CAMK1D: variants seen among roughly 807,000 people sequenced by gnomAD.
CAMK1D encodes the protein calcium/calmodulin dependent protein kinase ID.
CAMK1D carries 9 observed loss-of-function variants against 47.7 expected under a neutral mutation model. That is an observed-to-expected ratio of 0.19 (90% CI 0.11 to 0.33). The LOEUF (loss-of-function observed/expected upper bound fraction) is 0.33, where lower values mean the gene tolerates loss of function less well. Among genes scored for constraint, CAMK1D ranks in the 10% least tolerant of loss-of-function variants. The probability of loss-of-function intolerance (pLI) is 1.00; values close to 1 mark genes in which losing one functional copy is unlikely to be tolerated. For missense variants in CAMK1D, 291 were observed against 488.7 expected, an observed-to-expected ratio of 0.60 and a Z score of 3.81; for synonymous variants, 184 against 184.9, an observed-to-expected ratio of 0.99 and a Z score of 0.04.
intron 1 of CAMK1D, among the ~76,000 whole-genome samples, chr10:12,512,936 C>T (rs758360664): frequency 6.6e-6 from 1 of 152,144 alleles, no homozygotes; most frequent in African/African-American, 2.4e-5. Flanking sequence ...GACTTTGCCT[C>T]AGTTGTTTTC....
intron 1 of CAMK1D, among the ~76,000 whole-genome samples, chr10:12,476,051 G>A (rs1833892717): frequency 1.3e-5 from 2 of 151,912 alleles, no homozygotes; most frequent in African/African-American, 4.9e-5. Context: ...CCAGCAGTTA[G>A]GGAGGCCGAG....
intron 2 of CAMK1D, among the ~76,000 whole-genome samples, chr10:12,646,573 T>A (rs1226670677): frequency 6.6e-6 from 1 of 152,176 alleles, no homozygotes; most frequent in African/African-American, 2.4e-5. Context: ...CTTCCTTGCA[T>A]CTCAGTTTCT....
chr10:12,790,720 G>C (rs7093886), intron 5 of CAMK1D, among the ~76,000 whole-genome samples: 65,623 of 151,798 alleles, frequency 0.43, 14,349 homozygotes, highest in East Asian at 0.62. Flanking sequence ...GTTGAGTGCA[G>C]TGACTCATAC....
intron 2 of CAMK1D, among the ~76,000 whole-genome samples, chr10:12,591,850 C>G (rs1049860808): frequency 6.6e-6 from 1 of 152,168 alleles, no homozygotes; most frequent in Non-Finnish European, 1.5e-5. Context: ...CATGCCACCA[C>G]GCCCAGCTAA....
rs551472882 is a variant in CAMK1D, at chr10:12,543,633, A to C, written c.93-9592A>C. 3.3e-5 allele frequency among the ~76,000 whole-genome samples: 5 copies of C among 152,232 alleles called. No homozygotes were observed. In the South Asian group the frequency reaches 1.0e-3, roughly 32 times the overall value. ...CTAAAGCACAGGAGAAGGATAAAAAACCAGTTCACAAACCCTTCAATGTCT... is the reference window on the plus strand; with the variant it reads ...CTAAAGCACAGGAGAAGGATAAAAACCCAGTTCACAAACCCTTCAATGTCT... On this transcript the variant is annotated intron_variant, in intron 1 of 10. Coordinates refer to ENST00000619168, the MANE Select transcript of CAMK1D (RefSeq NM_153498.4).
chr10:12,556,401 C>T (rs943773094), intron 2 of CAMK1D, among the ~76,000 whole-genome samples: 5 of 152,210 alleles, frequency 3.3e-5, no homozygotes, highest in African/African-American at 1.2e-4. Context: ...TAAGTACGTG[C>T]AGTGGCATTG....
intron 1 of CAMK1D, among the ~76,000 whole-genome samples, chr10:12,411,601 C>CT (rs35221185): frequency 1.2e-3 from 168 of 145,500 alleles, no homozygotes; most frequent in Non-Finnish European, 1.4e-3. Flanking sequence ...TACCTGGCTT[C>CT]TTTTTTTTTT....
chr10:12,746,892 GC>G (rs1389301169), intron 3 of CAMK1D, among the ~76,000 whole-genome samples: 1 of 152,174 alleles, frequency 6.6e-6, no homozygotes, highest in African/African-American at 2.4e-5. Context: ...TACAATAGAT[GC>G]CTTTAGTTGG....
intron 2 of CAMK1D, among the ~76,000 whole-genome samples, chr10:12,557,327 A>C (rs1174869873): frequency 2.6e-5 from 4 of 152,124 alleles, no homozygotes; most frequent in African/African-American, 9.7e-5. Context: ...AGGCAGGTGG[A>C]TCACGAGGTC....
chr10:12,499,769 TAGC>T (rs1463156873), intron 1 of CAMK1D, among the ~76,000 whole-genome samples: 3 of 152,104 alleles, frequency 2.0e-5, no homozygotes, highest in African/African-American at 7.2e-5. Context: ...TGGTGGGAGT[TAGC>T]AGCCCCGTTA....
intron 4 of CAMK1D, among the ~76,000 whole-genome samples, chr10:12,764,989 G>A (rs1046985180): frequency 1.3e-5 from 2 of 152,140 alleles, no homozygotes; most frequent in East Asian, 1.9e-4. Flanking sequence ...CAGCTACTCC[G>A]GAGGCTGAGG....
At chr10:12,586,764 A>T (rs1383993481) in intron 2 of CAMK1D, among the ~76,000 whole-genome samples, 5 of 152,228 alleles carry the variant, frequency 3.3e-5, no homozygotes, top group Admixed American at 2.6e-4. Context: ...ACTTAAAATC[A>T]TAAAAAATAC....
At chr10:12,483,778 C>T (rs1370827533) in intron 1 of CAMK1D, among the ~76,000 whole-genome samples, 1 of 152,062 alleles carries the variant, frequency 6.6e-6, no homozygotes, top group Non-Finnish European at 1.5e-5. Context: ...CCGCCGCCTC[C>T]CAGGTTCAAG....
intron 2 of CAMK1D, among the ~76,000 whole-genome samples, chr10:12,659,688 G>A (rs1236819131): frequency 6.6e-6 from 1 of 151,958 alleles, no homozygotes; most frequent in Non-Finnish European, 1.5e-5. Flanking sequence ...TTAGATAAAC[G>A]GGAGGGTTTG....
chr10:12,517,438 T>C (rs1284058306), intron 1 of CAMK1D, among the ~76,000 whole-genome samples: 2 of 152,238 alleles, frequency 1.3e-5, no homozygotes, highest in Non-Finnish European at 2.9e-5. Flanking sequence ...ACATCCTTCT[T>C]TGCCTTATTC....
Position 12,636,069 on chromosome 10 carries a change from C to T in CAMK1D, c.225-30667C>T, listed in dbSNP as rs150824093. 2.5e-3 allele frequency among the ~76,000 whole-genome samples: 384 copies of T among 152,230 alleles called. 2 individuals are homozygous for T. Among genetic ancestry groups the T allele is most frequent in the East Asian group, 0.017 (89 of 5,174 alleles). On this transcript the variant is annotated intron_variant, in intron 2 of 10. Coordinates refer to ENST00000619168, the MANE Select transcript of CAMK1D (RefSeq NM_153498.4). ...AAAATACACATAACATACAATTTACCATCTTAGGCATTTTTAAGTATCCAG... is the reference window on the plus strand; with the variant it reads ...AAAATACACATAACATACAATTTACTATCTTAGGCATTTTTAAGTATCCAG...
At chr10:12,495,833 T>A (rs1012999599) in intron 1 of CAMK1D, among the ~76,000 whole-genome samples, 1 of 152,162 alleles carries the variant, frequency 6.6e-6, no homozygotes, top group Non-Finnish European at 1.5e-5. Context: ...ATGTATATAT[T>A]TTTTTTCTTC....
intron 2 of CAMK1D, among the ~76,000 whole-genome samples, chr10:12,634,512 A>T (rs923674897): frequency 2.0e-5 from 3 of 152,118 alleles, no homozygotes; most frequent in African/African-American, 7.2e-5. Context: ...AGGTGGCTGG[A>T]ATCATCCCAT....
At chr10:12,505,113 C>G (rs1322036694) in intron 1 of CAMK1D, among the ~76,000 whole-genome samples, 1 of 152,178 alleles carries the variant, frequency 6.6e-6, no homozygotes, top group Non-Finnish European at 1.5e-5. Flanking sequence ...TGGAGGTGCT[C>G]TGTGAGCATT....
Sources: gnomAD v4.1 joint callset for allele counts (sites outside exome capture counted in the v4.1 genomes callset) on GRCh38, gnomAD v4.1.1 for gene constraint, MANE v1.5 for transcripts, NCBI Gene and HGNC (gene_info 2026-07-23, HGNC 2026-07-21) for gene names.